The following PTPN11 variants were observed in gnomAD, a reference collection of about 807,000 sequenced individuals.
PTPN11 encodes the protein tyrosine-protein phosphatase non-receptor type 11.
In PTPN11, 6 loss-of-function variants were observed where a neutral mutation model predicts 78.8. That is an observed-to-expected ratio of 0.08 (90% CI 0.04 to 0.15). The LOEUF is 0.15. Among genes scored for constraint, PTPN11 ranks in the 10% least tolerant of loss-of-function variants. The probability of loss-of-function intolerance (pLI) is 1.00; values close to 1 mark genes in which losing one functional copy is unlikely to be tolerated. For missense variants in PTPN11, 386 were observed against 744.8 expected (o/e 0.52, Z 5.61); for synonymous variants, 221 against 263.5 (o/e 0.84, Z 1.56).
At chr12:112,453,570 T>C (rs1294830651) in intron 4 of PTPN11, among the ~76,000 whole-genome samples, 183 bp downstream of exon 4, 2 of 151,824 alleles carry the variant, frequency 1.3e-5, no homozygotes, top group African/African-American at 4.8e-5. Flanking sequence ...CCACGTTGGG[T>C]CTGGTGACCC....
chr12:112,467,045 G>A (rs1005281507), intron 6 of PTPN11, among the ~76,000 whole-genome samples: 1 of 152,118 alleles, frequency 6.6e-6, no homozygotes, highest in African/African-American at 2.4e-5. Context: ...CTGGCATTTA[G>A]GTTGGCAGGG....
chr12:112,483,827 G>A (rs1299498100), intron 10 of PTPN11, among the ~76,000 whole-genome samples: 1 of 152,172 alleles, frequency 6.6e-6, no homozygotes, highest in African/African-American at 2.4e-5. Flanking sequence ...GGTGTGCAGG[G>A]TGACTGGCAA....
intron 3 of PTPN11, among the ~76,000 whole-genome samples, chr12:112,452,042 A>AT (rs2038085754): frequency 6.6e-6 from 1 of 150,842 alleles, no homozygotes; most frequent in South Asian, 2.1e-4. Context: ...TGCCCAGTTA[A>AT]TTTTTGTATT....
At chr12:112,433,781 T>A (rs947592250) in intron 1 of PTPN11, among the ~76,000 whole-genome samples, 1 of 152,138 alleles carries the variant, frequency 6.6e-6, no homozygotes, top group Non-Finnish European at 1.5e-5. Flanking sequence ...CAAGACCCTA[T>A]CTCTACAAAG....
intron 1 of PTPN11, among the ~76,000 whole-genome samples, chr12:112,421,569 C>A (rs2135821748): frequency 6.6e-6 from 1 of 152,236 alleles, no homozygotes; most frequent in Middle Eastern, 3.4e-3. Context: ...CTCACCTTGG[C>A]CTCCTGAAGT....
At chr12:112,430,636 C>G (rs1439535804) in intron 1 of PTPN11, among the ~76,000 whole-genome samples, 1 of 151,630 alleles carries the variant, frequency 6.6e-6, no homozygotes, top group Non-Finnish European at 1.5e-5. Context: ...TGAGGTCTCA[C>G]TATGTTGCCC....
intron 6 of PTPN11, among the ~76,000 whole-genome samples, chr12:112,462,785 A>T (rs543713573): frequency 2.0e-5 from 3 of 152,320 alleles, no homozygotes; most frequent in African/African-American, 7.2e-5. Context: ...ACTGTATAGT[A>T]ATCCACTGTG....
rs1398992814 is a variant in PTPN11 at position 112,507,378 on chromosome 12, C to T, written c.*1586C>T. The stretch of plus-strand genomic sequence containing the variant: ...CACAGGGCTTTTGAGAGCAGCACCA[C>T]CCCACTGGGGCATCCCCAGACTTGG... On this transcript the variant is annotated 3_prime_UTR_variant, in exon 16 of 16. Coordinates refer to ENST00000351677, the MANE Select transcript of PTPN11 (RefSeq NM_002834.5). The T allele has an allele frequency of 6.6e-6, 1 of 152,552 alleles. No individual in the cohort carries two copies. The highest frequency in any genetic ancestry group is 2.4e-5 in the African/African-American group (1 of 41,456). 9.4% of individuals were successfully genotyped at this position (152,552 alleles called of 1,614,324 possible). A position where few individuals can be genotyped will look rare whatever the true frequency, so the allele number is the denominator to read the frequency against.
intron 1 of PTPN11, among the ~76,000 whole-genome samples, chr12:112,430,504 C>CT (rs1419414343): frequency 6.6e-6 from 1 of 152,132 alleles, no homozygotes; most frequent in African/African-American, 2.4e-5. Flanking sequence ...CCATGGCTCA[C>CT]TGCAGCCTCA....
At position 112,454,152 on chromosome 12, in the gene PTPN11, CAG is replaced by C. The variant is rs560309765; in HGVS notation, c.526-409_526-408del. 6.2e-3 allele frequency among the ~76,000 whole-genome samples: 938 copies of C among 151,722 alleles called. 11 individuals carry two copies. The highest frequency in any genetic ancestry group is 0.021 in the African/African-American group (884 of 41,406). ...TTTATTATTTATCTTTTTTTTGAGA[CAG>C]AGTCTCCCTCTGTCTCCCAGGCTGA... On this transcript the variant is annotated intron_variant, in intron 4 of 15. Transcript: ENST00000351677.
intron 2 of PTPN11, among the ~76,000 whole-genome samples, 160 bp from the exon 3 acceptor site, chr12:112,450,158 G>C (rs2038058824): frequency 6.6e-6 from 1 of 151,762 alleles, no homozygotes. Context: ...GTTGACATGT[G>C]GTTATTTCAC....
chr12:112,502,955 A>G (rs967134608), intron 14 of PTPN11, among the ~76,000 whole-genome samples: 8 of 152,340 alleles, frequency 5.3e-5, no homozygotes, highest in African/African-American at 1.2e-4. Context: ...TAAATTGACC[A>G]CTAATGTGTC....
Position 112,456,023 on chromosome 12 carries a change from C to T in PTPN11, c.716C>T (p.Thr239Ile). The T allele has an allele frequency of 6.2e-7, 1 of 1,612,358 alleles. No individual in the cohort carries two copies. Among genetic ancestry groups the T allele is most frequent in the Non-Finnish European group, 8.5e-7 (1 of 1,178,544 alleles). Residue 239 changes from threonine (T) to isoleucine (I), a missense_variant, in exon 6 of 16, where the codon ACC (threonine) becomes ATC (isoleucine). Physicochemically the swap from Thr to Ile is moderately conservative, Grantham distance 89. This residue lies in a region of PTPN11 where 279 missense variants were observed against 503.3 expected (regional missense o/e 0.55). Coordinates refer to ENST00000351677, the MANE Select transcript of PTPN11 (RefSeq NM_002834.5). ...RVRELSKLAE[T>I]TDKVKQGFWE... ...CGAGAACTAAGCAAATTAGCTGAGA[C>T]CACAGATAAAGTCAAACAAGGCTTT... is the stretch of plus-strand genomic sequence containing the variant.
At chr12:112,447,464 AAAATTTTTTTTTGAGCTC>A (rs1157596436) in intron 2 of PTPN11, among the ~76,000 whole-genome samples, 1 of 152,162 alleles carries the variant, frequency 6.6e-6, no homozygotes, top group Admixed American at 6.6e-5. Flanking sequence ...TTGCAACTTA[AAAATTTTTTTTTGAGCTC>A]CATGCTGATT....
intron 1 of PTPN11, among the ~76,000 whole-genome samples, chr12:112,443,212 A>T (rs1167138739): frequency 6.6e-6 from 1 of 152,060 alleles, no homozygotes; most frequent in African/African-American, 2.4e-5. Context: ...AACAACAACA[A>T]AAACTGTTCC....
intron 2 of PTPN11, among the ~76,000 whole-genome samples, chr12:112,447,122 G>T (rs530703224): frequency 6.6e-6 from 1 of 152,276 alleles, no homozygotes; most frequent in Admixed American, 6.5e-5. Flanking sequence ...TCCTGCCTCA[G>T]CCTCCCAAAG....
At position 112,506,987 on chromosome 12, in the gene PTPN11, GATGA is replaced by G; in HGVS notation, c.*1196_*1199del. On this transcript the variant is annotated 3_prime_UTR_variant, in exon 16 of 16. Coordinates refer to ENST00000351677, the MANE Select transcript of PTPN11 (RefSeq NM_002834.5). The stretch of plus-strand genomic sequence containing the variant: ...TGATGATGATGATGATGATGATGAT[GATGA>G]TGGTTTTTTCTAATCAGAAGAAAGC... 2 of 257,258 alleles carry G rather than the reference GATGA, an allele frequency of 7.8e-6. No homozygotes were observed. The highest frequency in any genetic ancestry group is 1.6e-4 in the East Asian group (1 of 6,072). 15.9% of individuals were successfully genotyped at this position (257,258 alleles called of 1,614,324 possible).
chr12:112,455,878 T>C, intron 5 of PTPN11, 72 bp from the exon 6 acceptor site: 1 of 880,880 alleles, frequency 1.1e-6, no homozygotes, highest in East Asian at 2.5e-5. Flanking sequence ...CATGTTTTTT[T>C]TTTTTTTTTT....
intron 10 of PTPN11, among the ~76,000 whole-genome samples, chr12:112,485,316 A>G (rs1369414858): frequency 1.3e-5 from 2 of 152,158 alleles, no homozygotes; most frequent in Non-Finnish European, 2.9e-5. Flanking sequence ...GTAGGAATGA[A>G]TGGTGCTGCT....
Sources: gnomAD v4.1 joint callset for allele counts (sites outside exome capture counted in the v4.1 genomes callset) on GRCh38, gnomAD v4.1.1 for gene constraint, gnomAD v4.1.1 regional missense constraint, MANE v1.5 for transcripts, NCBI Gene and HGNC (gene_info 2026-07-23, HGNC 2026-07-21) for gene names.